Variants in DUXB observed in about 807,000 individuals in gnomAD.
The protein encoded by DUXB is double homeobox B.
A neutral mutation model predicts 8.9 loss-of-function variants in DUXB; 22 were observed. That is an observed-to-expected ratio of 2.46 (90% CI 1.76 to 3.52). DUXB has a LOEUF of 3.52. Among genes scored for constraint, DUXB ranks in the 30% most tolerant of loss-of-function variants. DUXB has a pLI of 0.00. For missense variants in DUXB, 237 were observed against 108.7 expected, an observed-to-expected ratio of 2.18 and a Z score of -5.25; for synonymous variants, 84 against 37.6, an observed-to-expected ratio of 2.23 and a Z score of -4.52.
intron 2 of DUXB, among the ~76,000 whole-genome samples, chr16:75,697,535 CTT>C (rs2082618483): frequency 6.6e-6 from 1 of 152,216 alleles, no homozygotes; most frequent in Non-Finnish European, 1.5e-5. Flanking sequence ...CAATTGAACT[CTT>C]TGCTTGTTTC....
Position 75,695,187 on chromosome 16 carries a change from T to C in DUXB, c.442-662A>G, listed in dbSNP as rs539482694. The stretch of plus-strand genomic sequence containing the variant: ...TACATACATTGAGGTTATAACACAG[T>C]TAGCAATTAAGTATAGGTGAGTTGA... On this transcript the variant is annotated intron_variant, in intron 4 of 4. Coordinates refer to ENST00000633875, the MANE Select transcript of DUXB (RefSeq NM_001351307.2). 5.9e-5 allele frequency among the ~76,000 whole-genome samples: 9 copies of C among 152,330 alleles called. No homozygotes were observed. In the South Asian group the frequency reaches 1.5e-3, roughly 25 times the overall value.
At chr16:75,697,482 C>A (rs2151833232) in intron 2 of DUXB, among the ~76,000 whole-genome samples, 1 of 152,316 alleles carries the variant, frequency 6.6e-6, no homozygotes, top group South Asian at 2.1e-4. Flanking sequence ...AGACTCCTAG[C>A]AAGCCACACA....
chr16:75,696,082 GTC>G lies in DUXB; in HGVS notation c.318_319del (p.Gln106HisfsTer16). Reference sequence around the variant, plus strand: ...GTTTTTTTGAGTCCATGTGATGAATGTCTGTTTTTGTCGGGCTTCTTTAGGTA... The same window carrying G: ...GTTTTTTTGAGTCCATGTGATGAATGTGTTTTTGTCGGGCTTCTTTAGGTA... On this transcript the variant is annotated frameshift_variant, in exon 4 of 5. Transcript: ENST00000633875. LOFTEE classifies it high-confidence loss of function. 1 of 703,022 alleles carries G rather than the reference GTC, an allele frequency of 1.4e-6. No individual in the cohort carries two copies. The highest frequency in any genetic ancestry group is 1.5e-5 in the South Asian group (1 of 67,598). The allele number at this position is 703,022 out of a possible 1,614,324, so 43.5% of individuals were successfully genotyped here. A position where few individuals can be genotyped will look rare whatever the true frequency, so the allele number is the denominator to read the frequency against.
rs550530220 is a variant in DUXB at position 75,700,189 on chromosome 16, G to T, written c.26-20C>A. 2.9e-6 allele frequency: 2 copies of T among 692,162 alleles called. No homozygotes were observed. The highest frequency in any genetic ancestry group is 2.6e-6 in the Non-Finnish European group (1 of 381,758). The allele number at this position is 692,162 out of a possible 1,614,324, so 42.9% of individuals were successfully genotyped here. ...GTATGCCTGATGAACAGAAAAGGGG[G>T]AGAATAGTGTGAATAATATATTTAT... On this transcript the variant is annotated intron_variant, in intron 1 of 4. Transcript: ENST00000633875.
Position 75,696,881 on chromosome 16 carries a change from T to C in DUXB, c.243A>G (p.Lys81=). ...RKLDYKCFSE[K]DQTQGHDQSQ... is the part of the protein sequence containing the mutation. ...ACTGGTCATGCCCCTGGGTTTGATC[T>C]TTTTCTGAGAAGCACTTATAATCCA... The change falls in exon 3 of 5, where the codon AAA becomes AAG. Residue 81 remains lysine (K), a synonymous_variant. Coordinates refer to ENST00000633875, the MANE Select transcript of DUXB (RefSeq NM_001351307.2). 1 of 702,962 alleles carries C rather than the reference T, an allele frequency of 1.4e-6. No individual in the cohort carries two copies. Among genetic ancestry groups the C allele is most frequent in the Non-Finnish European group, 2.6e-6 (1 of 384,970 alleles). The allele number at this position is 702,962 out of a possible 1,614,324, so 43.5% of individuals were successfully genotyped here. A position where few individuals can be genotyped will look rare whatever the true frequency, so the allele number is the denominator to read the frequency against.
In DUXB at chr16:75,695,999, G is replaced by C. The variant is rs765264247; in HGVS notation, c.403C>G (p.Leu135Val). ...TCCTGCAGGCCTGTTTGTTCAGCCA[G>C]TTTTTTTCTGGTAGCAATATCAGGG... is the stretch of plus-strand genomic sequence containing the variant. The part of the protein sequence containing the change: ...PFPDIATRKK[L>V]AEQTGLQESR... Residue 135 changes from leucine (L) to valine (V), a missense_variant, in exon 4 of 5, where the codon CTG becomes GTG. Coordinates refer to ENST00000633875, the MANE Select transcript of DUXB (RefSeq NM_001351307.2). 1 of 702,948 alleles carries C rather than the reference G, an allele frequency of 1.4e-6. No homozygotes were observed. Among genetic ancestry groups the C allele is most frequent in the African/African-American group, 1.7e-5 (1 of 57,344 alleles). 43.5% of individuals were successfully genotyped at this position (702,948 alleles called of 1,614,324 possible).
intron 2 of DUXB, among the ~76,000 whole-genome samples, chr16:75,699,006 C>T (rs991409752): frequency 1.1e-4 from 17 of 152,080 alleles, no homozygotes; most frequent in African/African-American, 3.9e-4. Flanking sequence ...ACAAACCCAG[C>T]AAATTAAAAT....
chr16:75,699,552 T>C (rs1026268361), intron 2 of DUXB, among the ~76,000 whole-genome samples: 4 of 151,802 alleles, frequency 2.6e-5, no homozygotes, highest in Admixed American at 6.6e-5. Flanking sequence ...TTATTTGTTT[T>C]CTTTTCTTTT....
rs1230419806 is a variant in DUXB, at chr16:75,694,005, G to A, written c.962C>T (p.Ser321Leu). ...CTCGTCCCACCTTTGCAAAATGTTC[G>A]ATATGTCAAACTGACCCAGATTTAG... Reference protein sequence around the residue: ...QPLNLGQFDISNILQRWDEIC... With the variant: ...QPLNLGQFDILNILQRWDEIC... Residue 321 changes from serine (S) to leucine (L), a missense_variant, in exon 5 of 5, where the codon TCG becomes TTG. Coordinates refer to ENST00000633875, the MANE Select transcript of DUXB (RefSeq NM_001351307.2). The A allele has an allele frequency of 2.5e-6, 1 of 401,100 alleles. No homozygotes were observed. The highest frequency in any genetic ancestry group is 4.4e-6 in the Non-Finnish European group (1 of 228,114). The allele number at this position is 401,100 out of a possible 1,614,324, so 24.8% of individuals were successfully genotyped here.
chr16:75,700,529 A>G (rs916670261), intron 1 of DUXB, among the ~76,000 whole-genome samples: 1 of 151,256 alleles, frequency 6.6e-6, no homozygotes, highest in African/African-American at 2.4e-5. Flanking sequence ...TATTGTTACT[A>G]TTTTTTGAGA....
chr16:75,694,395 G>A lies in DUXB; in HGVS notation c.572C>T (p.Pro191Leu). ...VGWHPINLFL[P>L]TDSSHYFSCS... ...AGAAAAATAATGAGAGCTGTCTGTG[G>A]GGAGGAACAGGTTGATTGGATGCCA... The change falls in exon 5 of 5, where the codon CCC (proline) becomes CTC (leucine). Residue 191 changes from proline to leucine, a missense_variant. Transcript: ENST00000633875. 1 of 692,602 alleles carries A rather than the reference G, an allele frequency of 1.4e-6. No homozygotes were observed. Among genetic ancestry groups the A allele is most frequent in the African/African-American group, 1.8e-5 (1 of 56,560 alleles). The allele number at this position is 692,602 out of a possible 1,614,324, so 42.9% of individuals were successfully genotyped here.
chr16:75,695,379 A>G (rs1445433643), intron 4 of DUXB, among the ~76,000 whole-genome samples: 8 of 152,264 alleles, frequency 5.3e-5, no homozygotes, highest in African/African-American at 1.9e-4. Context: ...ATGACTAACA[A>G]ACACAAATAA....
At position 75,696,063 on chromosome 16, in the gene DUXB, T is replaced by A; in HGVS notation, c.339A>T (p.Gln113His). The A allele has an allele frequency of 2.8e-6, 2 of 703,044 alleles. No individual in the cohort carries two copies. The highest frequency in any genetic ancestry group is 5.4e-5 in the East Asian group (2 of 37,298). 43.6% of individuals were successfully genotyped at this position (703,044 alleles called of 1,614,324 possible). A position where few individuals can be genotyped will look rare whatever the true frequency, so the allele number is the denominator to read the frequency against. The change falls in exon 4 of 5, where the codon CAA becomes CAT. Residue 113 changes from glutamine to histidine, a missense_variant. By Grantham distance (24) the Gln-to-His change is conservative. Transcript: ENST00000633875. ...CAAAGGCTTGCACTAGCCTGTTTTT[T>A]TGAGTCCATGTGATGAATGTCTGTT... ...RQKQTFITWT[Q>H]KNRLVQAFER...
At chr16:75,694,555 A>T in intron 4 of DUXB, 30 bp from the exon 5 acceptor site, 1 of 702,852 alleles carries the variant, frequency 1.4e-6, no homozygotes, top group Non-Finnish European at 2.6e-6. Context: ...ACATGACATC[A>T]TAAGACATAA....
At chr16:75,697,550 C>T (rs1037950712) in intron 2 of DUXB, among the ~76,000 whole-genome samples, 2 of 152,192 alleles carry the variant, frequency 1.3e-5, no homozygotes, top group African/African-American at 4.8e-5. Context: ...CTTGTTTCCT[C>T]ATTACTAGAG....
chr16:75,697,700 G>A (rs1567522346), intron 2 of DUXB, among the ~76,000 whole-genome samples: 1 of 152,186 alleles, frequency 6.6e-6, no homozygotes, highest in Non-Finnish European at 1.5e-5. Context: ...TGCTAAAGCT[G>A]GCGTCCTCAA....
chr16:75,701,332 T>C (rs1220628326), intron 1 of DUXB, 62 bp downstream of exon 1: 6 of 398,444 alleles, frequency 1.5e-5, no homozygotes, highest in African/African-American at 8.2e-5. Context: ...TGACAAACTC[T>C]GAAAAATAAG....
chr16:75,699,649 CCCGGGTT>C (rs147070791), intron 2 of DUXB, among the ~76,000 whole-genome samples: 9,223 of 151,706 alleles, frequency 0.061, 401 homozygotes, highest in African/African-American at 0.12. Context: ...AAGCTCCCCT[CCCGGGTT>C]CACGCCATTC....
intron 2 of DUXB, among the ~76,000 whole-genome samples, chr16:75,699,371 A>G (rs78517106): frequency 0.012 from 1,852 of 152,268 alleles, 44 homozygotes; most frequent in African/African-American, 0.041. Context: ...TTCTAATACT[A>G]AAATATAGGA....
Sources: gnomAD v4.1 joint callset for allele counts (sites outside exome capture counted in the v4.1 genomes callset) on GRCh38, gnomAD v4.1.1 for gene constraint, MANE v1.5 for transcripts, NCBI Gene and HGNC (gene_info 2026-07-23, HGNC 2026-07-21) for gene names.